The following PNLIPRP3 variants were observed in gnomAD, a reference collection of about 807,000 sequenced individuals.
PNLIPRP3 encodes the protein pancreatic lipase-related protein 3.
In PNLIPRP3, 58 loss-of-function variants were observed where a neutral mutation model predicts 52.8. The ratio of observed to expected loss-of-function variants is 1.10; its 90% CI spans 0.89 to 1.37. PNLIPRP3 has a LOEUF of 1.37. Among genes scored for constraint, PNLIPRP3 ranks in the 40% most tolerant of loss-of-function variants. PNLIPRP3 has a pLI of 0.00. For missense variants in PNLIPRP3, 593 were observed against 561.6 expected (o/e 1.06, Z -0.57); for synonymous variants, 192 against 185.0 (o/e 1.04, Z -0.31).
chr10:116,453,501 TC>T (rs1846069170), intron 4 of PNLIPRP3, among the ~76,000 whole-genome samples: 2 of 151,994 alleles, frequency 1.3e-5, no homozygotes, highest in South Asian at 4.2e-4. Context: ...TGGATGTGTG[TC>T]CCCTCCAAAT....
At chr10:116,472,124 C>G (rs1181773545) in intron 10 of PNLIPRP3, among the ~76,000 whole-genome samples, 1 of 152,026 alleles carries the variant, frequency 6.6e-6, no homozygotes, top group African/African-American at 2.4e-5. Context: ...AAATACAGAT[C>G]TAGATAATAG....
chr10:116,451,535 C>G (rs1846037705), intron 4 of PNLIPRP3, among the ~76,000 whole-genome samples: 1 of 152,038 alleles, frequency 6.6e-6, no homozygotes, highest in South Asian at 2.1e-4. Flanking sequence ...GGGGGTGGAT[C>G]CCCCATGAAT....
chr10:116,476,908 C>T (rs1846479189), intron 11 of PNLIPRP3, 89 bp downstream of exon 11: 1 of 1,353,810 alleles, frequency 7.4e-7, no homozygotes, highest in Non-Finnish European at 9.9e-7. Flanking sequence ...GTGCAAGTAG[C>T]ATAAAAATTT....
intron 9 of PNLIPRP3, 132 bp downstream of exon 9, chr10:116,469,449 G>A (rs1846332098): frequency 2.2e-6 from 2 of 896,018 alleles, no homozygotes; most frequent in African/African-American, 3.5e-5. Context: ...GAACAACACA[G>A]TGAGGTCTTT....
At chr10:116,428,219 T>A (rs1845664417) in intron 1 of PNLIPRP3, among the ~76,000 whole-genome samples, 158 bp downstream of exon 1, 1 of 152,140 alleles carries the variant, frequency 6.6e-6, no homozygotes, top group South Asian at 2.1e-4. Context: ...ATTGGCTGCT[T>A]ATATTTCTTT....
At chr10:116,472,422 T>C (rs1205954198) in intron 10 of PNLIPRP3, among the ~76,000 whole-genome samples, 2 of 152,232 alleles carry the variant, frequency 1.3e-5, no homozygotes, top group African/African-American at 4.8e-5. Flanking sequence ...AGCCTTAGCA[T>C]TTTTGTATTA....
At chr10:116,444,313 C>G in intron 3 of PNLIPRP3, 69 bp from the exon 4 acceptor site, 1 of 1,317,846 alleles carries the variant, frequency 7.6e-7, no homozygotes, top group South Asian at 1.5e-5. Flanking sequence ...ATTATGGAAT[C>G]AAGTGTTGAG....
chr10:116,460,130 T>C (rs1846170933), intron 5 of PNLIPRP3, among the ~76,000 whole-genome samples: 1 of 152,204 alleles, frequency 6.6e-6, no homozygotes. Flanking sequence ...GTGGCTTCTC[T>C]GTGCTTGGAT....
chr10:116,428,454 G>A (rs1845667514), intron 1 of PNLIPRP3, among the ~76,000 whole-genome samples: 1 of 152,096 alleles, frequency 6.6e-6, no homozygotes. Flanking sequence ...AGTAATAAAT[G>A]AGAAAATATA....
chr10:116,475,869 C>T (rs955010955), intron 10 of PNLIPRP3, among the ~76,000 whole-genome samples: 5 of 152,150 alleles, frequency 3.3e-5, no homozygotes, highest in Admixed American at 3.3e-4. Context: ...TAATCATTTA[C>T]TAACTATAGT....
intron 4 of PNLIPRP3, among the ~76,000 whole-genome samples, chr10:116,454,453 C>A (rs1403859532): frequency 6.6e-6 from 1 of 152,158 alleles, no homozygotes. Flanking sequence ...GTGTTTTAAA[C>A]CTACTCTTAG....
rs1846462788 is a variant in PNLIPRP3, at chr10:116,476,180, T to G, written c.1173-472T>G. 3.9e-5 allele frequency among the ~76,000 whole-genome samples: 6 copies of G among 152,270 alleles called. No homozygotes were observed. In the South Asian group the frequency reaches 1.2e-3, roughly 32 times the overall value. On this transcript the variant is annotated intron_variant, in intron 10 of 11. Transcript: ENST00000369230. ...CACTAGTTTAGTTACCCAATTCCTT[T>G]TATGTGGTTAAAGAAGGTACCAGAA... is the stretch of plus-strand genomic sequence containing the variant.
chr10:116,455,126 A>G (rs4751969), intron 4 of PNLIPRP3, among the ~76,000 whole-genome samples: 133,484 of 152,216 alleles, frequency 0.88, 59,697 homozygotes, highest in Non-Finnish European at 0.97. Context: ...TCTAATGATT[A>G]AGGATGTTCA....
chr10:116,465,395 C>T (rs1193731220), intron 7 of PNLIPRP3, among the ~76,000 whole-genome samples: 3 of 151,786 alleles, frequency 2.0e-5, no homozygotes, highest in Non-Finnish European at 2.9e-5. Context: ...AATTAGCCGG[C>T]GTGGTGGTGG....
At chr10:116,437,148 G>A (rs990573021) in intron 2 of PNLIPRP3, among the ~76,000 whole-genome samples, 1 of 148,656 alleles carries the variant, frequency 6.7e-6, no homozygotes, top group African/African-American at 2.5e-5. Flanking sequence ...CCTTCCATCT[G>A]TAAGACTGAA....
At chr10:116,446,694 C>G (rs900856989) in intron 4 of PNLIPRP3, among the ~76,000 whole-genome samples, 2 of 152,126 alleles carry the variant, frequency 1.3e-5, no homozygotes, top group Non-Finnish European at 2.9e-5. Context: ...TCAACAGTAA[C>G]AGACAAATTT....
At chr10:116,444,646 A>G (rs753047198) in intron 4 of PNLIPRP3, 133 bp downstream of exon 4, 4 of 908,268 alleles carry the variant, frequency 4.4e-6, no homozygotes, top group Non-Finnish European at 6.6e-6. Flanking sequence ...AAGCATTTGT[A>G]TATGGCAGAC....
At position 116,468,700 on chromosome 10, in the gene PNLIPRP3, T is replaced by C. The variant is rs563213111; in HGVS notation, c.928-485T>C. Among the ~76,000 whole-genome samples, 3 of 152,318 alleles carry C rather than the reference T, an allele frequency of 2.0e-5. No homozygotes were observed. The South Asian group carries it at 6.2e-4, about 32-fold the overall frequency. ...GAGCAAATTTTTAAAAATTAAAAAATTTGATCTGATTATATTTTTGACATT... is the reference window on the plus strand; with the variant it reads ...GAGCAAATTTTTAAAAATTAAAAAACTTGATCTGATTATATTTTTGACATT... On this transcript the variant is annotated intron_variant, in intron 8 of 11. Transcript: ENST00000369230.
rs143709664 is a variant in PNLIPRP3, at chr10:116,454,272, C to T, written c.457-1450C>T. Among the ~76,000 whole-genome samples the T allele has an allele frequency of 4.0e-3, 615 of 152,220 alleles. 4 individuals are homozygous for T. Among genetic ancestry groups the T allele is most frequent in the African/African-American group, 0.014 (588 of 41,550 alleles). Reference sequence around the variant, plus strand: ...TAGCTGGGATTACAGGCACACACCACCACGACTGGCTAATTTTTCTATTTT... The same window carrying T: ...TAGCTGGGATTACAGGCACACACCATCACGACTGGCTAATTTTTCTATTTT... On this transcript the variant is annotated intron_variant, in intron 4 of 11. Coordinates refer to ENST00000369230, the MANE Select transcript of PNLIPRP3 (RefSeq NM_001011709.3).
Sources: gnomAD v4.1 joint callset for allele counts (sites outside exome capture counted in the v4.1 genomes callset) on GRCh38, gnomAD v4.1.1 for gene constraint, MANE v1.5 for transcripts, NCBI Gene and HGNC (gene_info 2026-07-23, HGNC 2026-07-21) for gene names.